The following ZNF398 variants were observed in gnomAD, a reference collection of about 807,000 sequenced individuals.
The protein encoded by ZNF398 is zinc finger DNA binding protein ZER6.
A neutral mutation model predicts 41.9 loss-of-function variants in ZNF398; 18 were observed. That is an observed-to-expected ratio of 0.43 (90% CI 0.30 to 0.64). The LOEUF (loss-of-function observed/expected upper bound fraction) is 0.64. Ranked by LOEUF, ZNF398 falls within the 30% of genes least tolerant of loss-of-function variation. ZNF398 has a pLI of 0.14. For missense variants in ZNF398, 669 were observed against 822.8 expected (o/e 0.81, Z 2.29); for synonymous variants, 260 against 308.8 (o/e 0.84, Z 1.66).
intron 1 of ZNF398, among the ~76,000 whole-genome samples, chr7:149,149,379 G>A (rs953370422): frequency 6.6e-6 from 1 of 151,952 alleles, no homozygotes; most frequent in Non-Finnish European, 1.5e-5. Context: ...GACTACAGGC[G>A]CGTGCCACTA....
intron 1 of ZNF398, among the ~76,000 whole-genome samples, chr7:149,128,003 C>G (rs1826521669): frequency 1.3e-5 from 2 of 152,134 alleles, no homozygotes; most frequent in Non-Finnish European, 2.9e-5. Flanking sequence ...TATGATATAA[C>G]CTTTTGTGAC....
chr7:149,143,448 A>G (rs1247837618), upstream of ZNF398, among the ~76,000 whole-genome samples: 4 of 152,242 alleles, frequency 2.6e-5, no homozygotes, highest in Non-Finnish European at 5.9e-5. Flanking sequence ...GTGCAAAGGA[A>G]GATGCTGAAA....
intron 1 of ZNF398, among the ~76,000 whole-genome samples, chr7:149,149,615 A>G (rs1188373643): frequency 3.3e-5 from 5 of 152,100 alleles, no homozygotes; most frequent in African/African-American, 1.2e-4. Flanking sequence ...CCGTGGGAAG[A>G]CAGCTTTAGC....
chr7:149,156,738 G>C (rs1489730231), intron 2 of ZNF398, among the ~76,000 whole-genome samples: 4 of 151,344 alleles, frequency 2.6e-5, no homozygotes, highest in Non-Finnish European at 5.9e-5. Flanking sequence ...GCGCATACCC[G>C]TAATCCCAGC....
intron 2 of ZNF398, among the ~76,000 whole-genome samples, chr7:149,157,707 G>A (rs763179677): frequency 6.6e-6 from 1 of 151,778 alleles, no homozygotes; most frequent in Non-Finnish European, 1.5e-5. Context: ...GCGTGGTGGC[G>A]CTCGCCTGTA....
intron 2 of ZNF398, among the ~76,000 whole-genome samples, chr7:149,163,792 A>G (rs1795164990): frequency 1.3e-5 from 2 of 152,296 alleles, no homozygotes; most frequent in East Asian, 1.9e-4. Flanking sequence ...TAAAGATTAC[A>G]TAAAACTGAA....
rs372332332 is a variant in ZNF398 at position 149,179,114 on chromosome 7, C to T, written c.1242C>T (p.Thr414=). The T allele has an allele frequency of 7.4e-6, 12 of 1,614,010 alleles. No homozygotes were observed. Among genetic ancestry groups the T allele is most frequent in the African/African-American group, 2.7e-5 (2 of 74,904 alleles). Residue 414 remains threonine, a synonymous_variant, in exon 6 of 6, where the codon ACC becomes ACT. Coordinates refer to ENST00000475153, the MANE Select transcript of ZNF398 (RefSeq NM_170686.3). This position sits in a 1 kb window ranked among gnomAD's most constrained non-coding sequence, Gnocchi z 6.1. ...ARTFTHPSRL[T]YHLRVHNSTE... is the part of the protein sequence containing the mutation. Reference sequence around the variant, plus strand: ...CTTTTACTCACCCATCAAGACTTACCTACCATCTTCGGGTCCATAACAGCA... The same window carrying T: ...CTTTTACTCACCCATCAAGACTTACTTACCATCTTCGGGTCCATAACAGCA...
chr7:149,154,377 T>C (rs748000595), intron 2 of ZNF398, 37 bp downstream of exon 2: 1 of 1,547,184 alleles, frequency 6.5e-7, no homozygotes, highest in East Asian at 2.3e-5. Flanking sequence ...GTGGTACCAC[T>C]AGAACTTACA....
chr7:149,174,424 G>A (rs1198971822), intron 4 of ZNF398, among the ~76,000 whole-genome samples: 5 of 152,078 alleles, frequency 3.3e-5, no homozygotes, highest in Admixed American at 3.3e-4. Flanking sequence ...TCCTGACCTC[G>A]TGACCTGCCC....
intron 1 of ZNF398, chr7:149,148,109 G>T: frequency 3.5e-6 from 1 of 286,368 alleles, no homozygotes; most frequent in Non-Finnish European, 6.5e-6. Flanking sequence ...GGGCTGGGGA[G>T]CCGTCAGCCA....
At chr7:149,168,892 G>A (rs2129521309) in intron 4 of ZNF398, among the ~76,000 whole-genome samples, 1 of 152,264 alleles carries the variant, frequency 6.6e-6, no homozygotes, top group South Asian at 2.1e-4. Flanking sequence ...ATTGCATTTA[G>A]TCAGTGTAAC....
chr7:149,145,531 AG>A (rs1826919570), upstream of ZNF398, among the ~76,000 whole-genome samples: 2 of 152,172 alleles, frequency 1.3e-5, no homozygotes, highest in African/African-American at 4.8e-5. Flanking sequence ...TAGAATCATA[AG>A]GCTTTTGTTT....
In ZNF398 at chr7:149,180,448, T is replaced by C. The variant is rs1795566509; in HGVS notation, c.*647T>C. 7 of 152,220 alleles carry C rather than the reference T, an allele frequency of 4.6e-5. No individual in the cohort carries two copies. The highest frequency in any genetic ancestry group is 2.6e-4 in the Admixed American group (4 of 15,278). The allele number at this position is 152,220 out of a possible 1,614,324, so 9.4% of individuals were successfully genotyped here. ...TGTTTAATATTGGTTGAACAAGAAA[T>C]CTGACTTTAAAAGATTATTAAGGAG... On this transcript the variant is annotated 3_prime_UTR_variant, in exon 6 of 6. Transcript: ENST00000475153.
At chr7:149,132,100 A>G (rs1463680243) in intron 2 of ZNF398, among the ~76,000 whole-genome samples, 1 of 152,146 alleles carries the variant, frequency 6.6e-6, no homozygotes, top group African/African-American at 2.4e-5. Flanking sequence ...GCTTGATCAA[A>G]AGGTCTACTT....
chr7:149,158,098 A>G (rs1214902347), intron 2 of ZNF398, among the ~76,000 whole-genome samples: 1 of 152,204 alleles, frequency 6.6e-6, no homozygotes, highest in Non-Finnish European at 1.5e-5. Flanking sequence ...ACGAATAAAA[A>G]TAAAAATCAA....
In ZNF398 at chr7:149,178,896, G is replaced by A. The variant is rs749201887; in HGVS notation, c.1024G>A (p.Val342Met). Residue 342 changes from valine to methionine, a missense_variant, in exon 6 of 6, where the codon GTG becomes ATG. Val to Met is a conservative substitution (Grantham distance 21). This residue lies in a region of ZNF398 where 290 missense variants were observed against 292.9 expected (regional missense o/e 0.99). Transcript: ENST00000475153. The stretch of plus-strand genomic sequence containing the variant: ...CCTCCCACCTCCAGTTGGCGAGCAG[G>A]TGTTCTCATGCCACCACTGTGGCAA... ...YPLPPPVGEQ[V>M]FSCHHCGKNL... The A allele has an allele frequency of 1.2e-6, 2 of 1,614,096 alleles. No homozygotes were observed. The highest frequency in any genetic ancestry group is 1.1e-5 in the South Asian group (1 of 91,076).
chr7:149,133,621 G>A (rs1055349791), intron 2 of ZNF398, among the ~76,000 whole-genome samples: 2 of 125,390 alleles, frequency 1.6e-5, no homozygotes, highest in African/African-American at 6.5e-5. Context: ...GTGAGCCACT[G>A]CACCTGGCTT....
intron 4 of ZNF398, among the ~76,000 whole-genome samples, chr7:149,168,711 C>T (rs548239641): frequency 1.8e-4 from 27 of 152,004 alleles, no homozygotes; most frequent in Admixed American, 1.2e-3. Flanking sequence ...TGGGATTCCA[C>T]GCCCGGCTAA....
intron 1 of ZNF398, among the ~76,000 whole-genome samples, chr7:149,148,947 G>A (rs144153563): frequency 8.9e-4 from 109 of 122,156 alleles, no homozygotes; most frequent in African/African-American, 3.0e-3. Flanking sequence ...AGTTCTTCCA[G>A]TGTGGCCCAG....
Sources: gnomAD v4.1 joint callset for allele counts (sites outside exome capture counted in the v4.1 genomes callset) on GRCh38, gnomAD v4.1.1 for gene constraint, gnomAD v4.1.1 regional missense constraint, Gnocchi (gnomAD v3.1) non-coding constraint, MANE v1.5 for transcripts, NCBI Gene and HGNC (gene_info 2026-07-23, HGNC 2026-07-21) for gene names.